SEH1L: variants seen among roughly 807,000 people sequenced by gnomAD.
SEH1L encodes the protein nucleoporin SEH1.
Under a neutral mutation model 49.5 loss-of-function variants are expected in SEH1L, and 18 were observed. The observed-to-expected ratio is 0.36, with a 90% confidence interval of 0.25 to 0.54. The LOEUF (loss-of-function observed/expected upper bound fraction) is 0.54, where lower values mean the gene tolerates loss of function less well. Ranked by LOEUF, SEH1L falls within the 20% of genes least tolerant of loss-of-function variation. The pLI is 0.87. For missense variants in SEH1L, 404 were observed against 528.8 expected (o/e 0.76, Z 2.31); for synonymous variants, 169 against 178.1 (o/e 0.95, Z 0.41).
At chr18:12,971,696 C>CA (rs1388681741) in intron 5 of SEH1L, 2 of 150,476 alleles carry the variant, frequency 1.3e-5, no homozygotes, top group Non-Finnish European at 2.9e-5. Context: ...TGCAGTGAAA[C>CA]AAAAAATAAT....
At chr18:12,963,878 A>G (rs545474702) in intron 4 of SEH1L, among the ~76,000 whole-genome samples, 4 of 152,276 alleles carry the variant, frequency 2.6e-5, no homozygotes, top group South Asian at 2.1e-4. Context: ...ACGTCTGCCT[A>G]ATTTTTGCAT....
chr18:12,963,660 C>T (rs1219628959), intron 4 of SEH1L, among the ~76,000 whole-genome samples: 2 of 152,230 alleles, frequency 1.3e-5, no homozygotes, highest in African/African-American at 4.8e-5. Flanking sequence ...CAGATATTCA[C>T]TAGCACAAGT....
At chr18:12,971,336 T>C (rs1426924220) in intron 5 of SEH1L, 85 bp downstream of exon 5, 2 of 904,004 alleles carry the variant, frequency 2.2e-6, no homozygotes, top group East Asian at 2.6e-5. Context: ...TACAGAATTA[T>C]GTGTCATTCA....
At chr18:12,975,615 A>G in intron 5 of SEH1L, 1 of 695,580 alleles carries the variant, frequency 1.4e-6, no homozygotes, top group Non-Finnish European at 1.8e-6. Flanking sequence ...GGGGAGGGGC[A>G]GGCCAACAGG....
rs544195752 is a variant in SEH1L at position 12,954,846 on chromosome 18, A to G, written c.163-617A>G. On this transcript the variant is annotated intron_variant, in intron 2 of 8. Coordinates refer to ENST00000399892, the MANE Select transcript of SEH1L (RefSeq NM_001013437.2). The stretch of plus-strand genomic sequence containing the variant: ...AATGTGCACCCATTTAAAGTGTACA[A>G]TTTAGTGATTTTAAGTATATTCATT... Among the ~76,000 whole-genome samples the G allele has an allele frequency of 1.9e-4, 29 of 152,324 alleles. 1 individual carries two copies. Among genetic ancestry groups the G allele is most frequent in the Admixed American group, 6.5e-4 (10 of 15,300 alleles).
At chr18:12,948,381 C>T (rs1361299819) in intron 1 of SEH1L, 149 bp downstream of exon 1, 3 of 563,222 alleles carry the variant, frequency 5.3e-6, no homozygotes, top group Middle Eastern at 4.7e-4. Flanking sequence ...TGAGCGGAAG[C>T]CCTCCCCGCC....
intron 1 of SEH1L, chr18:12,948,474 G>A (rs368328603): frequency 2.7e-6 from 1 of 374,378 alleles, no homozygotes; most frequent in Non-Finnish European, 4.8e-6. Flanking sequence ...GCTCCCGCCC[G>A]CAGGGTACGC....
chr18:12,953,309 G>A (rs2030658990), intron 2 of SEH1L, among the ~76,000 whole-genome samples: 1 of 152,142 alleles, frequency 6.6e-6, no homozygotes, highest in Non-Finnish European at 1.5e-5. Context: ...TATGAGTAAT[G>A]TTAAGAACGT....
chr18:12,975,567 G>C (rs927451610), intron 5 of SEH1L, among the ~76,000 whole-genome samples: 1 of 151,786 alleles, frequency 6.6e-6, no homozygotes, highest in Non-Finnish European at 1.5e-5. Context: ...GCGTGGGGTC[G>C]AGGCGGTGGG....
At position 12,978,748 on chromosome 18, in the gene SEH1L, T is replaced by G. The variant is rs2145657015; in HGVS notation, c.621-4T>G. On this transcript the variant is annotated splice_region_variant and splice_polypyrimidine_tract_variant and intron_variant, in intron 5 of 8. Coordinates refer to ENST00000399892, the MANE Select transcript of SEH1L (RefSeq NM_001013437.2). ...AATGTTAATGTCAATTGTTTTTCCA[T>G]TAGGAAATATGCAAAAGCTGAAACT... 6.2e-7 allele frequency: 1 copy of G among 1,604,084 alleles called. No homozygotes were observed. The highest frequency in any genetic ancestry group is 1.7e-5 in the Admixed American group (1 of 58,358).
chr18:12,965,009 CTTTTTTTTT>C (rs138934038), intron 4 of SEH1L, among the ~76,000 whole-genome samples: 4 of 82,606 alleles, frequency 4.8e-5, no homozygotes, highest in African/African-American at 1.4e-4. Flanking sequence ...TTTCCTCATT[CTTTTTTTTT>C]TTTTTTTTTT....
Position 12,980,916 on chromosome 18 carries a change from G to C in SEH1L, c.762-1602G>C, listed in dbSNP as rs2032216686. ...TCCGGACGGGGCGGCTGGCCGGGCG[G>C]GGGGCTGACCCCCACCTCCCTCCCG... On this transcript the variant is annotated intron_variant, in intron 6 of 8. Coordinates refer to ENST00000399892, the MANE Select transcript of SEH1L (RefSeq NM_001013437.2). Among the ~76,000 whole-genome samples, 5 of 149,636 alleles carry C rather than the reference G, an allele frequency of 3.3e-5. No individual in the cohort carries two copies. In the South Asian group the frequency reaches 1.1e-3, roughly 32 times the overall value.
At chr18:12,982,058 G>T (rs2032292039) in intron 6 of SEH1L, among the ~76,000 whole-genome samples, 1 of 151,892 alleles carries the variant, frequency 6.6e-6, no homozygotes, top group South Asian at 2.1e-4. Flanking sequence ...TAGGGATGGG[G>T]TTTCGCCATG....
At chr18:12,969,659 G>A (rs557181307) in intron 4 of SEH1L, among the ~76,000 whole-genome samples, 37 of 150,650 alleles carry the variant, frequency 2.5e-4, no homozygotes, top group African/African-American at 8.3e-4. Flanking sequence ...CTGCACTCCA[G>A]CCTGGCGACA....
chr18:12,976,135 A>T (rs533273051), intron 5 of SEH1L, among the ~76,000 whole-genome samples: 3 of 152,216 alleles, frequency 2.0e-5, no homozygotes, highest in African/African-American at 7.2e-5. Context: ...GTGGGTCAAG[A>T]GTCAGGCCAG....
At position 12,950,208 on chromosome 18, in the gene SEH1L, A is replaced by AT. The variant is rs991210151; in HGVS notation, c.112-1639dup. ...GCCACCACGCCTGGCCAATTAAAAC[A>AT]TTTTTTTTGTAGAGGCAGGGTCTTG... On this transcript the variant is annotated intron_variant, in intron 1 of 8. Coordinates refer to ENST00000399892, the MANE Select transcript of SEH1L (RefSeq NM_001013437.2). Among the ~76,000 whole-genome samples the AT allele has an allele frequency of 3.0e-4, 46 of 151,358 alleles. No individual in the cohort carries two copies. In the East Asian group the frequency reaches 3.1e-3, roughly 10 times the overall value.
At chr18:12,985,914 C>A in intron 8 of SEH1L, 1 of 947,716 alleles carries the variant, frequency 1.1e-6, no homozygotes, top group Non-Finnish European at 1.3e-6. Context: ...GTTTCATTTA[C>A]AATTTGGGAC....
At chr18:12,955,155 A>G (rs2030775796) in intron 2 of SEH1L, among the ~76,000 whole-genome samples, 1 of 151,380 alleles carries the variant, frequency 6.6e-6, no homozygotes, top group Non-Finnish European at 1.5e-5. Flanking sequence ...CTCTCCAACT[A>G]TCAGCACTGG....
At position 12,948,059 on chromosome 18, in the gene SEH1L, C is replaced by G. The variant is rs1414406564; in HGVS notation, c.-63C>G. On this transcript the variant is annotated 5_prime_UTR_variant, in exon 1 of 9. Transcript: ENST00000399892. ...CTGCGAGGTCTGGCTAGGCTACGGG[C>G]CACGCGCCGCCGCCGCTGCCGCCGC... is the stretch of plus-strand genomic sequence containing the variant. 4 of 1,295,904 alleles carry G rather than the reference C, an allele frequency of 3.1e-6. No homozygotes were observed. The highest frequency in any genetic ancestry group is 4.4e-6 in the Non-Finnish European group (4 of 914,734). The allele number at this position is 1,295,904 out of a possible 1,614,324, so 80.3% of individuals were successfully genotyped here. A position where few individuals can be genotyped will look rare whatever the true frequency, so the allele number is the denominator to read the frequency against.
Sources: allele counts gnomAD v4.1 joint callset (sites outside exome capture counted in the v4.1 genomes callset), GRCh38; gene constraint gnomAD v4.1.1; transcripts MANE v1.5; gene names NCBI Gene and HGNC (gene_info 2026-07-23, HGNC 2026-07-21).